FBXW7: variants seen among roughly 807,000 people sequenced by gnomAD.
The protein encoded by FBXW7 is F-box/WD repeat-containing protein 7.
In FBXW7, 11 loss-of-function variants were observed where a neutral mutation model predicts 86.3. The ratio of observed to expected loss-of-function variants is 0.13; its 90% CI spans 0.08 to 0.21. The LOEUF (loss-of-function observed/expected upper bound fraction) is 0.21, where lower values mean the gene tolerates loss of function less well. FBXW7 is among the 10% of genes least tolerant of loss of function. The pLI is 1.00. For synonymous variants in FBXW7, 313 were observed against 297.9 expected, an observed-to-expected ratio of 1.05 and a Z score of -0.52; for missense variants, 488 against 847.4, an observed-to-expected ratio of 0.58 and a Z score of 5.27.
At chr4:152,489,240 AATTT>A (rs2149681994) in intron 2 of FBXW7, 1 of 154,590 alleles carries the variant, frequency 6.5e-6, no homozygotes, top group African/African-American at 2.4e-5. Context: ...GTTGCCCTCG[AATTT>A]GAACTTTATT....
At chr4:152,366,802 T>C (rs1733527609) in intron 4 of FBXW7, among the ~76,000 whole-genome samples, 1 of 152,248 alleles carries the variant, frequency 6.6e-6, no homozygotes, top group Non-Finnish European at 1.5e-5. Context: ...TTATAAATCA[T>C]GCTACAATAA....
intron 4 of FBXW7, among the ~76,000 whole-genome samples, chr4:152,353,445 G>A (rs183001968): frequency 6.6e-6 from 1 of 152,176 alleles, no homozygotes; most frequent in African/African-American, 2.4e-5. Context: ...TTAAAACATA[G>A]TAATTTTCAG....
rs550599598 is a variant in FBXW7 at position 152,370,820 on chromosome 4, T to C, written c.502-20696A>G. On this transcript the variant is annotated intron_variant, in intron 4 of 13. Coordinates refer to ENST00000281708, the MANE Select transcript of FBXW7 (RefSeq NM_001349798.2). ...AAAAACAGAATTACAAAAACAGTAT[T>C]AATATTTGAGAAAGACTCACTGCTT... Among the ~76,000 whole-genome samples the C allele has an allele frequency of 5.3e-5, 8 of 152,004 alleles. No homozygotes were observed. The South Asian group carries it at 1.0e-3, about 20-fold the overall frequency.
At chr4:152,503,175 CCTTT>C (rs1390145153) in intron 2 of FBXW7, among the ~76,000 whole-genome samples, 1 of 152,154 alleles carries the variant, frequency 6.6e-6, no homozygotes, top group Non-Finnish European at 1.5e-5. Context: ...ATATGGAAGA[CCTTT>C]CTAATAATAC....
intron 2 of FBXW7, among the ~76,000 whole-genome samples, chr4:152,473,419 C>CG (rs1242428919): frequency 6.6e-6 from 1 of 152,190 alleles, no homozygotes; most frequent in Non-Finnish European, 1.5e-5. Context: ...GCAAAGTACT[C>CG]GGCCCTGTTG....
At chr4:152,436,371 C>CT in intron 2 of FBXW7, among the ~76,000 whole-genome samples, 1 of 152,306 alleles carries the variant, frequency 6.6e-6, no homozygotes, top group Admixed American at 6.5e-5. Flanking sequence ...GGTGAGAAAG[C>CT]TTCAGAAGAA....
chr4:152,390,453 C>A (rs1188790205), intron 4 of FBXW7, among the ~76,000 whole-genome samples: 2 of 151,994 alleles, frequency 1.3e-5, no homozygotes, highest in South Asian at 2.1e-4. Flanking sequence ...CACAGCTGCT[C>A]ACCAAGAATT....
At chr4:152,329,438 A>G (rs952935865) in intron 10 of FBXW7, among the ~76,000 whole-genome samples, 5 of 151,924 alleles carry the variant, frequency 3.3e-5, no homozygotes, top group Admixed American at 2.0e-4. Flanking sequence ...ACAAAGATAG[A>G]CAAACTATGT....
chr4:152,395,960 A>G (rs1736387481), intron 4 of FBXW7, among the ~76,000 whole-genome samples: 1 of 152,030 alleles, frequency 6.6e-6, no homozygotes, highest in African/African-American at 2.4e-5. Context: ...TGAAATTCCA[A>G]TGAATTTTGA....
intron 10 of FBXW7, chr4:152,329,196 A>G (rs779045919): frequency 6.6e-6 from 1 of 151,952 alleles, no homozygotes; most frequent in African/African-American, 2.4e-5. Context: ...TGCCTTGTCC[A>G]CTCTCATCTC....
chr4:152,454,513 A>C (rs1273262578), intron 2 of FBXW7, among the ~76,000 whole-genome samples: 1 of 152,144 alleles, frequency 6.6e-6, no homozygotes, highest in Non-Finnish European at 1.5e-5. Context: ...AACTTCAGAG[A>C]AGTACTTTAA....
intron 2 of FBXW7, among the ~76,000 whole-genome samples, chr4:152,527,494 A>C (rs1749621013): frequency 6.6e-6 from 1 of 152,178 alleles, no homozygotes; most frequent in African/African-American, 2.4e-5. Flanking sequence ...CTGACCGGGC[A>C]CTGTGGCCCC....
At chr4:152,410,298 A>T (rs1737827285) in intron 4 of FBXW7, among the ~76,000 whole-genome samples, 1 of 152,156 alleles carries the variant, frequency 6.6e-6, no homozygotes, top group African/African-American at 2.4e-5. Context: ...TAGGGGGGCA[A>T]AAGGGAGGAA....
intron 2 of FBXW7, among the ~76,000 whole-genome samples, chr4:152,484,599 T>A (rs1745179720): frequency 6.6e-6 from 1 of 152,194 alleles, no homozygotes; most frequent in African/African-American, 2.4e-5. Flanking sequence ...ATAAATCCAC[T>A]CACATGGTAA....
intron 4 of FBXW7, among the ~76,000 whole-genome samples, chr4:152,364,442 A>C (rs1284467648): frequency 6.6e-6 from 1 of 152,210 alleles, no homozygotes; most frequent in Non-Finnish European, 1.5e-5. Flanking sequence ...CCCTATGGAA[A>C]ACTGGCAAAA....
At chr4:152,397,008 C>T (rs1316330262) in intron 4 of FBXW7, among the ~76,000 whole-genome samples, 1 of 151,812 alleles carries the variant, frequency 6.6e-6, no homozygotes, top group Non-Finnish European at 1.5e-5. Flanking sequence ...TTAAAATTGG[C>T]AAATCAAAGG....
intron 2 of FBXW7, among the ~76,000 whole-genome samples, chr4:152,459,954 G>A (rs1230949152): frequency 6.6e-6 from 1 of 152,148 alleles, no homozygotes; most frequent in East Asian, 1.9e-4. Context: ...CATAAAGACA[G>A]AAAGTAGATT....
At chr4:152,363,193 G>A (rs577545684) in intron 4 of FBXW7, among the ~76,000 whole-genome samples, 46 of 152,198 alleles carry the variant, frequency 3.0e-4, no homozygotes, top group African/African-American at 1.0e-3. Flanking sequence ...AATGAATCCT[G>A]AGTCATATAA....
At chr4:152,418,460 A>T (rs371179279) in intron 2 of FBXW7, among the ~76,000 whole-genome samples, 1 of 152,274 alleles carries the variant, frequency 6.6e-6, no homozygotes, top group East Asian at 1.9e-4. Context: ...GAGGAAGGAT[A>T]TCAGCAAGTC....
Sources: gnomAD v4.1 joint callset for allele counts (sites outside exome capture counted in the v4.1 genomes callset) on GRCh38, gnomAD v4.1.1 for gene constraint, MANE v1.5 for transcripts, NCBI Gene and HGNC (gene_info 2026-07-23, HGNC 2026-07-21) for gene names.